CDH5: variants seen among roughly 807,000 people sequenced by gnomAD.
CDH5 encodes the protein cadherin 5.
In CDH5, 28 loss-of-function variants were observed where a neutral mutation model predicts 62.0. The ratio of observed to expected loss-of-function variants is 0.45; its 90% confidence interval spans 0.33 to 0.62. The LOEUF (loss-of-function observed/expected upper bound fraction) is 0.62. Among genes scored for constraint, CDH5 ranks in the 20% least tolerant of loss-of-function variants. CDH5 has a pLI of 0.02. For missense variants in CDH5, 940 were observed against 1,065.1 expected (o/e 0.88, Z 1.63); for synonymous variants, 464 against 445.8 (o/e 1.04, Z -0.52).
intron 1 of CDH5, among the ~76,000 whole-genome samples, chr16:66,375,456 G>A (rs1960767767): frequency 6.6e-6 from 1 of 152,116 alleles, no homozygotes; most frequent in Non-Finnish European, 1.5e-5. Context: ...CTTGAGCCCA[G>A]GAGTTTGAGG....
intron 3 of CDH5, among the ~76,000 whole-genome samples, chr16:66,388,022 G>A (rs1221957038): frequency 1.3e-5 from 2 of 152,172 alleles, no homozygotes; most frequent in Middle Eastern, 6.3e-3. Context: ...GGGAGAAGCA[G>A]CTCATTGCTG....
chr16:66,403,097 C>A lies in CDH5; in HGVS notation c.2283C>A (p.Asn761Lys). 1 of 1,613,788 alleles carries A rather than the reference C, an allele frequency of 6.2e-7. No homozygotes were observed. The highest frequency in any genetic ancestry group is 8.5e-7 in the Non-Finnish European group (1 of 1,179,936). The change falls in exon 12 of 12, where the codon AAC becomes AAA. Residue 761 changes from asparagine (N) to lysine (K), a missense_variant. Asn to Lys is a moderately conservative substitution (Grantham distance 94). Coordinates refer to ENST00000341529, the MANE Select transcript of CDH5 (RefSeq NM_001795.5). The surrounding 1 kb of genome is among the most constrained non-coding windows in gnomAD (Gnocchi z 4.3). ...SDSDVDYDFL[N>K]DWGPRFKMLA... ...CTGACGTGGATTACGACTTCCTTAA[C>A]GACTGGGGACCCAGGTTTAAGATGC... is the stretch of plus-strand genomic sequence containing the variant.
rs932318579 is a variant in CDH5, at chr16:66,403,319, T to C, written c.*150T>C. Reference sequence around the variant, plus strand: ...CCCAGAGACCTCATCAGCCTTGGGATAGCAAACTCCAGGTTCCTGAAATAT... The same window carrying C: ...CCCAGAGACCTCATCAGCCTTGGGACAGCAAACTCCAGGTTCCTGAAATAT... On this transcript the variant is annotated 3_prime_UTR_variant, in exon 12 of 12. Transcript: ENST00000341529. This position sits in a 1 kb window ranked among gnomAD's most constrained non-coding sequence, Gnocchi z 4.3. The C allele has an allele frequency of 1.5e-6, 1 of 653,746 alleles. No individual in the cohort carries two copies. The highest frequency in any genetic ancestry group is 2.6e-6 in the Non-Finnish European group (1 of 385,296). The allele number at this position is 653,746 out of a possible 1,614,324, so 40.5% of individuals were successfully genotyped here. A position where few individuals can be genotyped will look rare whatever the true frequency, so the allele number is the denominator to read the frequency against.
Position 66,386,977 on chromosome 16 carries a change from A to G in CDH5, c.379A>G (p.Thr127Ala). 1.2e-6 allele frequency: 2 copies of G among 1,614,214 alleles called. No homozygotes were observed. Among genetic ancestry groups the G allele is most frequent in the Non-Finnish European group, 1.7e-6 (2 of 1,180,038 alleles). ...CACTGCTGTCATTGTGGACAAGGACACTGGCGAAAACCTGGAGACTCCTTC... is the reference window on the plus strand; with the variant it reads ...CACTGCTGTCATTGTGGACAAGGACGCTGGCGAAAACCTGGAGACTCCTTC... ...HLTAVIVDKD[T>A]GENLETPSSF... The change falls in exon 3 of 12, where the codon ACT (threonine) becomes GCT (alanine). Residue 127 changes from threonine to alanine, a missense_variant. Coordinates refer to ENST00000341529, the MANE Select transcript of CDH5 (RefSeq NM_001795.5).
chr16:66,390,423 C>T lies in CDH5; in HGVS notation c.802C>T (p.Pro268Ser). The T allele has an allele frequency of 1.2e-6, 2 of 1,613,788 alleles. No homozygotes were observed. Among genetic ancestry groups the T allele is most frequent in the Non-Finnish European group, 1.7e-6 (2 of 1,179,820 alleles). ...ATCAGCCAAGTACACATTTGTCGTG[C>T]CTGAAGACACCCGTGTGGGCACCTC... Reference protein sequence around the residue: ...FTQTKYTFVVPEDTRVGTSVG... With the variant: ...FTQTKYTFVVSEDTRVGTSVG... Residue 268 changes from proline (P) to serine (S), a missense_variant, in exon 6 of 12, where the codon CCT becomes TCT. By Grantham distance (74) the Pro-to-Ser change is moderately conservative (BLOSUM62 -1). Coordinates refer to ENST00000341529, the MANE Select transcript of CDH5 (RefSeq NM_001795.5).
intron 1 of CDH5, among the ~76,000 whole-genome samples, chr16:66,374,908 A>G (rs1054166865): frequency 3.3e-5 from 5 of 151,866 alleles, no homozygotes; most frequent in African/African-American, 1.2e-4. Flanking sequence ...TTAACTCGTC[A>G]TTTACATTAG....
At chr16:66,391,199 A>T (rs766635841) in intron 6 of CDH5, among the ~76,000 whole-genome samples, 22 of 152,196 alleles carry the variant, frequency 1.4e-4, no homozygotes, top group Non-Finnish European at 2.4e-4. Context: ...TCCTTCTCTG[A>T]ACCAGCCCCA....
intron 2 of CDH5, among the ~76,000 whole-genome samples, chr16:66,382,588 C>T (rs994231460): frequency 1.3e-5 from 2 of 152,170 alleles, no homozygotes; most frequent in Non-Finnish European, 2.9e-5. Context: ...AGGGAAAGTC[C>T]GTAGAAAGTG....
intron 2 of CDH5, among the ~76,000 whole-genome samples, chr16:66,383,849 A>C (rs1596934862): frequency 6.6e-6 from 1 of 150,506 alleles, no homozygotes; most frequent in Non-Finnish European, 1.5e-5. Context: ...GGCAATCCTC[A>C]CTCCCTGTCT....
rs754394650 is a variant in CDH5, at chr16:66,388,367, C to G, written c.543C>G (p.Pro181=). Residue 181 remains proline, a synonymous_variant, in exon 4 of 12, where the codon CCC becomes CCG. Transcript: ENST00000341529. ...ISVTAVDADD[P]TVGDHASVMY... is the part of the protein sequence containing the mutation. Reference sequence around the variant, plus strand: ...TGACAGCAGTGGATGCAGACGACCCCACTGTGGGAGACCACGCCTCTGTCA... The same window carrying G: ...TGACAGCAGTGGATGCAGACGACCCGACTGTGGGAGACCACGCCTCTGTCA... 41 of 1,613,970 alleles carry G rather than the reference C, an allele frequency of 2.5e-5. No individual in the cohort carries two copies. Among genetic ancestry groups the G allele is most frequent in the Non-Finnish European group, 3.1e-5 (36 of 1,179,916 alleles).
At chr16:66,373,000 G>A (rs900377222) in intron 1 of CDH5, among the ~76,000 whole-genome samples, 1 of 152,188 alleles carries the variant, frequency 6.6e-6, no homozygotes, top group Non-Finnish European at 1.5e-5. Flanking sequence ...TGGCCTCGGC[G>A]TGCTCAGAAC....
At chr16:66,394,931 G>A (rs746972834) in intron 7 of CDH5, among the ~76,000 whole-genome samples, 3 of 136,500 alleles carry the variant, frequency 2.2e-5, no homozygotes, top group Non-Finnish European at 4.6e-5. Context: ...GCTCACTACA[G>A]CCTTGAACAT....
At chr16:66,399,544 G>T (rs1257076082) in intron 10 of CDH5, among the ~76,000 whole-genome samples, 1 of 152,214 alleles carries the variant, frequency 6.6e-6, no homozygotes, top group Admixed American at 6.5e-5. Context: ...TCCTTAAGGA[G>T]ACTCCTGTGG....
At chr16:66,373,984 T>A (rs1003690005) in intron 1 of CDH5, among the ~76,000 whole-genome samples, 2 of 151,840 alleles carry the variant, frequency 1.3e-5, no homozygotes, top group African/African-American at 4.8e-5. Flanking sequence ...ACCACAGAGA[T>A]AGAGAGAGTG....
At chr16:66,383,774 C>T (rs187627299) in intron 2 of CDH5, among the ~76,000 whole-genome samples, 21 of 152,280 alleles carry the variant, frequency 1.4e-4, no homozygotes, top group Admixed American at 7.8e-4. Context: ...GCCCCCTGCA[C>T]GCCACAGCCT....
chr16:66,369,094 G>A (rs922358337), intron 1 of CDH5, among the ~76,000 whole-genome samples: 5 of 152,170 alleles, frequency 3.3e-5, no homozygotes, highest in Admixed American at 6.5e-5. Context: ...GAGAGTAGGG[G>A]ATGGTCCCTA....
chr16:66,373,897 A>G (rs1254708389), intron 1 of CDH5, among the ~76,000 whole-genome samples: 1 of 152,200 alleles, frequency 6.6e-6, no homozygotes, highest in East Asian at 1.9e-4. Context: ...TCCTGGGGAT[A>G]GTGTGAAAAT....
chr16:66,403,287 C>G lies in CDH5; in HGVS notation c.*118C>G. ...ACTCCCCAGCCCAGCACCCCTTCCTCGTGGGTCCCAGAGACCTCATCAGCC... is the reference window on the plus strand; with the variant it reads ...ACTCCCCAGCCCAGCACCCCTTCCTGGTGGGTCCCAGAGACCTCATCAGCC... On this transcript the variant is annotated 3_prime_UTR_variant, in exon 12 of 12. Coordinates refer to ENST00000341529, the MANE Select transcript of CDH5 (RefSeq NM_001795.5). This position sits in a 1 kb window ranked among gnomAD's most constrained non-coding sequence, Gnocchi z 4.3. 1.1e-6 allele frequency: 1 copy of G among 899,554 alleles called. No individual in the cohort carries two copies. 55.7% of individuals were successfully genotyped at this position (899,554 alleles called of 1,614,324 possible). A position where few individuals can be genotyped will look rare whatever the true frequency, so the allele number is the denominator to read the frequency against.
At chr16:66,375,828 C>A (rs1960775590) in intron 1 of CDH5, among the ~76,000 whole-genome samples, 2 of 151,174 alleles carry the variant, frequency 1.3e-5, no homozygotes, top group South Asian at 4.2e-4. Context: ...AAAAAAGCCA[C>A]CGGCTACGGT....
Sources: allele counts gnomAD v4.1 joint callset (sites outside exome capture counted in the v4.1 genomes callset), GRCh38; gene constraint gnomAD v4.1.1; non-coding constraint Gnocchi (gnomAD v3.1); transcripts MANE v1.5; gene names NCBI Gene and HGNC (gene_info 2026-07-23, HGNC 2026-07-21).